The following ABCC2 variants were observed in gnomAD, a reference collection of about 807,000 sequenced individuals.
ABCC2 encodes ATP-binding cassette sub-family C member 2.
ABCC2 carries 157 observed loss-of-function variants against 173.4 expected under a neutral mutation model. That is an observed-to-expected ratio of 0.91 (90% confidence interval 0.80 to 1.03). ABCC2 has a LOEUF of 1.03. Among genes scored for constraint, ABCC2 ranks in the 50% least tolerant of loss-of-function variants. The pLI, the probability that ABCC2 is intolerant of heterozygous loss-of-function variation, is 0.00. For missense variants in ABCC2, 1,822 were observed against 1,852.3 expected, an observed-to-expected ratio of 0.98 and a Z score of 0.30; for synonymous variants, 657 against 693.5, an observed-to-expected ratio of 0.95 and a Z score of 0.83.
intron 16 of ABCC2, among the ~76,000 whole-genome samples, chr10:99,814,192 CA>C (rs2038285074): frequency 2.5e-5 from 2 of 81,560 alleles, no homozygotes. Context: ...TGTATACACA[CA>C]TGTGTATATA....
chr10:99,784,715 G>C lies in ABCC2; in HGVS notation c.141G>C (p.Gln47His). ...LGYLWLLAPW[Q>H]LLHVYKSRTK... ...ACCTATGGCTCCTGGCCCCCTGGCA[G>C]CTTCTCCACGTGTATAAATCCAGGA... The change falls in exon 2 of 32, where the codon CAG becomes CAC. Residue 47 changes from glutamine to histidine, a missense_variant. Gln to His is a conservative substitution (Grantham distance 24). Transcript: ENST00000647814. The C allele has an allele frequency of 1.2e-6, 2 of 1,614,192 alleles. No individual in the cohort carries two copies. The highest frequency in any genetic ancestry group is 1.7e-6 in the Non-Finnish European group (2 of 1,180,032).
chr10:99,798,812 G>C (rs181615325), intron 7 of ABCC2, among the ~76,000 whole-genome samples: 105 of 152,192 alleles, frequency 6.9e-4, no homozygotes. Flanking sequence ...ATAGCTTTTG[G>C]GGGTGGGGAT....
Position 99,847,095 on chromosome 10 carries a change from C to T in ABCC2, c.4281C>T (p.Ser1427=), listed in dbSNP as rs2039029006. ...TGGCCAGCCTGCAACTTGGGTTATC[C>T]CACGAAGTGACAGAGGCTGGTGGCA... ...SFVASLQLGL[S]HEVTEAGGNL... is the part of the protein sequence containing the mutation. The change falls in exon 30 of 32, where the codon TCC becomes TCT. Residue 1427 remains serine, a synonymous_variant. Coordinates refer to ENST00000647814, the MANE Select transcript of ABCC2 (RefSeq NM_000392.5). The T allele has an allele frequency of 6.2e-7, 1 of 1,613,968 alleles. No homozygotes were observed. Among genetic ancestry groups the T allele is most frequent in the African/African-American group, 1.3e-5 (1 of 74,906 alleles).
In ABCC2 at chr10:99,848,855, G is replaced by T. The variant is rs112422543; in HGVS notation, c.4313+1728G>T. ...GTCAGTTTACTTTCCCTCCACAACA[G>T]ATCTAGCAACTAGCAGGACTCAAGT... is the stretch of plus-strand genomic sequence containing the variant. On this transcript the variant is annotated intron_variant, in intron 30 of 31. Transcript: ENST00000647814. 2.4e-3 allele frequency among the ~76,000 whole-genome samples: 372 copies of T among 152,332 alleles called. 2 individuals are homozygous for T. The highest frequency in any genetic ancestry group is 8.1e-3 in the African/African-American group (335 of 41,584).
At chr10:99,794,512 C>A in intron 6 of ABCC2, 44 bp downstream of exon 6, 8 of 1,532,228 alleles carry the variant, frequency 5.2e-6, no homozygotes, top group Non-Finnish European at 7.2e-6. Context: ...CTTACTCTCT[C>A]ACTCCTCTGA....
chr10:99,832,727 A>C (rs1351616882), intron 23 of ABCC2, among the ~76,000 whole-genome samples: 1 of 152,188 alleles, frequency 6.6e-6, no homozygotes, highest in Non-Finnish European at 1.5e-5. Flanking sequence ...TGGACTATGG[A>C]ATAGAGCCAT....
chr10:99,814,262 C>CGTGTATATATACACACGT (rs1554850637), intron 16 of ABCC2, among the ~76,000 whole-genome samples: 4 of 26,380 alleles, frequency 1.5e-4, no homozygotes, highest in African/African-American at 6.0e-4. Context: ...TGTATACACA[C>CGTGTATATATACACACGT]GTATGTATAC....
Position 99,814,656 on chromosome 10 carries a change from C to CACATACACACACGT in ABCC2, c.2094+1513_2094+1514insCATACACACACGTA, listed in dbSNP as rs2038354589. Among the ~76,000 whole-genome samples the CACATACACACACGT allele has an allele frequency of 6.1e-5, 5 of 82,200 alleles. 1 individual carries two copies. The highest frequency in any genetic ancestry group is 3.8e-4 in the African/African-American group (5 of 12,994). 53.9% of individuals were successfully genotyped at this position (82,200 alleles called of 152,430 possible). ...ATGTGTATATACACATATACACACA[C>CACATACACACACGT]ATATGTGTATATACACATATACACA... On this transcript the variant is annotated intron_variant, in intron 16 of 31. Coordinates refer to ENST00000647814, the MANE Select transcript of ABCC2 (RefSeq NM_000392.5).
intron 26 of ABCC2, 73 bp from the exon 27 acceptor site, chr10:99,843,726 T>C (rs1179155379): frequency 1.8e-5 from 23 of 1,273,630 alleles, no homozygotes; most frequent in Non-Finnish European, 5.8e-6. Flanking sequence ...GGCACTGGAT[T>C]GTCCTTGTGG....
Position 99,804,198 on chromosome 10 carries a change from C to T in ABCC2, c.1389C>T (p.Val463=), listed in dbSNP as rs2038059933. The change falls in exon 10 of 32, where the codon GTC becomes GTT. Residue 463 remains valine, a synonymous_variant. Coordinates refer to ENST00000647814, the MANE Select transcript of ABCC2 (RefSeq NM_000392.5). ...TATGGAGAGAGTTGGGACCCTCAGT[C>T]TTAGCAGGTGTTGGGGTGATGGTGC... is the stretch of plus-strand genomic sequence containing the variant. ...FFLWRELGPS[V]LAGVGVMVLV... The T allele has an allele frequency of 1.9e-6, 3 of 1,614,090 alleles. No individual in the cohort carries two copies. Among genetic ancestry groups the T allele is most frequent in the Non-Finnish European group, 2.5e-6 (3 of 1,179,990 alleles).
chr10:99,808,011 G>A, intron 12 of ABCC2, 72 bp from the exon 13 acceptor site: 1 of 1,564,096 alleles, frequency 6.4e-7, no homozygotes, highest in African/African-American at 1.4e-5. Context: ...GATATATGGT[G>A]TTCCTGAAAC....
chr10:99,810,185 G>A lies in ABCC2; in HGVS notation c.1867G>A (p.Asp623Asn). The A allele has an allele frequency of 6.2e-7, 1 of 1,613,652 alleles. No individual in the cohort carries two copies. The highest frequency in any genetic ancestry group is 8.5e-7 in the Non-Finnish European group (1 of 1,179,606). Reference sequence around the variant, plus strand: ...GAAGTACTTGGGAGGGGATGACTTGGACACATCTGCCATTCGACATGACTG... The same window carrying A: ...GAAGTACTTGGGAGGGGATGACTTGAACACATCTGCCATTCGACATGACTG... ...LEKYLGGDDLDTSAIRHDCNF... is the reference protein window; with the variant it reads ...LEKYLGGDDLNTSAIRHDCNF... Residue 623 changes from aspartate to asparagine, a missense_variant, in exon 14 of 32, where the codon GAC (aspartate) becomes AAC (asparagine). Asp to Asn is a conservative substitution (Grantham distance 23, BLOSUM62 1). Transcript: ENST00000647814.
chr10:99,811,282 A>G (rs1249198223), intron 14 of ABCC2, among the ~76,000 whole-genome samples: 2 of 151,794 alleles, frequency 1.3e-5, no homozygotes, highest in African/African-American at 4.8e-5. Flanking sequence ...GTCAGCCAAG[A>G]TTGCACCACT....
chr10:99,790,025 T>C (rs915497570), intron 2 of ABCC2, among the ~76,000 whole-genome samples: 18 of 152,230 alleles, frequency 1.2e-4, no homozygotes, highest in African/African-American at 4.3e-4. Flanking sequence ...ATGAATTTCA[T>C]TGGTTTCTAA....
intron 2 of ABCC2, among the ~76,000 whole-genome samples, chr10:99,785,601 C>G (rs1253479834): frequency 6.6e-6 from 1 of 152,140 alleles, no homozygotes; most frequent in Non-Finnish European, 1.5e-5. Flanking sequence ...ACTGCAACCT[C>G]CACCTCCTGG....
intron 19 of ABCC2, among the ~76,000 whole-genome samples, chr10:99,829,223 C>A (rs1353755472): frequency 6.6e-6 from 1 of 152,144 alleles, no homozygotes; most frequent in African/African-American, 2.4e-5. Context: ...ACCCACTCTG[C>A]CCCCTCCAGT....
In ABCC2 at chr10:99,799,250, A is replaced by T. The variant is rs1488205308; in HGVS notation, c.911A>T (p.Asp304Val). ...AAAAAGAAGTCTGGGACCAAAAAAG[A>T]TGTTCCAAAATCCTGGTTGATGAAG... is the stretch of plus-strand genomic sequence containing the variant. ...KKKKKSGTKKDVPKSWLMKAL... is the reference protein window; with the variant it reads ...KKKKKSGTKKVVPKSWLMKAL... The change falls in exon 8 of 32, where the codon GAT becomes GTT. Residue 304 changes from aspartate (D) to valine (V), a missense_variant. By Grantham distance (152) the Asp-to-Val change is radical. Coordinates refer to ENST00000647814, the MANE Select transcript of ABCC2 (RefSeq NM_000392.5). The T allele has an allele frequency of 9.3e-6, 15 of 1,614,042 alleles. No individual in the cohort carries two copies. The highest frequency in any genetic ancestry group is 1.3e-5 in the Non-Finnish European group (15 of 1,180,042).
At chr10:99,846,753 G>A (rs1229705401) in intron 29 of ABCC2, among the ~76,000 whole-genome samples, 1 of 152,030 alleles carries the variant, frequency 6.6e-6, no homozygotes, top group Admixed American at 6.6e-5. Flanking sequence ...AAAATAAACC[G>A]AGGACTTCTA....
chr10:99,808,451 C>T (rs1455436575), intron 13 of ABCC2, among the ~76,000 whole-genome samples: 1 of 152,196 alleles, frequency 6.6e-6, no homozygotes, highest in Non-Finnish European at 1.5e-5. Context: ...CCAATCTCAT[C>T]TACCTCACAG....
Sources: gnomAD v4.1 joint callset for allele counts (sites outside exome capture counted in the v4.1 genomes callset) on GRCh38, gnomAD v4.1.1 for gene constraint, MANE v1.5 for transcripts, NCBI Gene and HGNC (gene_info 2026-07-23, HGNC 2026-07-21) for gene names.